The following SSC5D variants were observed in gnomAD, a reference collection of about 807,000 sequenced individuals.
The protein encoded by SSC5D is scavenger receptor cysteine rich family member with 5 domains.
A neutral mutation model predicts 104.6 loss-of-function variants in SSC5D; 106 were observed. The ratio of observed to expected loss-of-function variants is 1.01; its 90% CI spans 0.87 to 1.19. SSC5D has a LOEUF of 1.19. SSC5D is among the 50% of genes most tolerant of loss of function. The pLI, the probability that SSC5D is intolerant of heterozygous loss-of-function variation, is 0.00. For missense variants in SSC5D, 1,993 were observed against 2,153.8 expected (o/e 0.93, Z 1.48); for synonymous variants, 860 against 883.5 (o/e 0.97, Z 0.47).
At chr19:55,507,155 A>G (rs1157067735) in intron 12 of SSC5D, among the ~76,000 whole-genome samples, 7 of 148,868 alleles carry the variant, frequency 4.7e-5, no homozygotes, top group Non-Finnish European at 7.5e-5. Context: ...GGTGACAGAG[A>G]CTGTCTCGAA....
At position 55,494,781 on chromosome 19, in the gene SSC5D, C is replaced by T. The variant is rs1599916180; in HGVS notation, c.1385C>T (p.Ala462Val). ...PTVLWEPGPE[A>V]GSPQLRLVAG... is the part of the protein sequence containing the mutation. ...GTCCTTTGGGAGCCTGGACCGGAAG[C>T]CGGTGAGTCCCTCCATGCTCCCCAA... Residue 462 changes from alanine (A) to valine (V), a missense_variant and splice_region_variant, in exon 8 of 14, where the codon GCC becomes GTC. Coordinates refer to ENST00000389623, the MANE Select transcript of SSC5D (RefSeq NM_001144950.2). 1.3e-6 allele frequency: 2 copies of T among 1,540,302 alleles called. No individual in the cohort carries two copies. Among genetic ancestry groups the T allele is most frequent in the East Asian group, 2.5e-5 (1 of 40,334 alleles).
rs1359302061 is a variant in SSC5D at position 55,490,293 on chromosome 19, C to T, written c.476-5C>T. ...CTCCTGACCCCTGGCTGTCTCCACT[C>T]CCAGCCCCCCGCCCAGCTGGGAACC... On this transcript the variant is annotated splice_region_variant and splice_polypyrimidine_tract_variant and intron_variant, in intron 4 of 13. Coordinates refer to ENST00000389623, the MANE Select transcript of SSC5D (RefSeq NM_001144950.2). 2 of 927,704 alleles carry T rather than the reference C, an allele frequency of 2.2e-6. No homozygotes were observed. Among genetic ancestry groups the T allele is most frequent in the Non-Finnish European group, 3.4e-6 (2 of 586,484 alleles). 57.5% of individuals were successfully genotyped at this position (927,704 alleles called of 1,614,324 possible).
At position 55,503,617 on chromosome 19, in the gene SSC5D, A is replaced by G. The variant is rs1418033214; in HGVS notation, c.2785+2416A>G. ...AGGTTTCACTCCCCACCTAAGGGGC[A>G]GCGTTTCTGTCCTCCCTCTGTGCCC... On this transcript the variant is annotated intron_variant, in intron 12 of 13. Coordinates refer to ENST00000389623, the MANE Select transcript of SSC5D (RefSeq NM_001144950.2). The surrounding 1 kb of genome is among the most constrained non-coding windows in gnomAD (Gnocchi z 4.0). Among the ~76,000 whole-genome samples, 1 of 151,896 alleles carries G rather than the reference A, an allele frequency of 6.6e-6. No individual in the cohort carries two copies. The highest frequency in any genetic ancestry group is 2.1e-4 in the South Asian group (1 of 4,812).
chr19:55,513,132 C>G lies in SSC5D; in HGVS notation c.2907C>G (p.Ser969Arg), dbSNP rs190311542. The change falls in exon 13 of 14, where the codon AGC becomes AGG. Residue 969 changes from serine (S) to arginine (R), a missense_variant. Ser to Arg is a moderately radical substitution (Grantham distance 110). Around this residue, in one of 6 missense-constraint regions of SSC5D, gnomAD observed 423 missense variants for 409.2 expected, o/e 1.03. Transcript: ENST00000389623. ...CTCTTGGGGCTGGCACCACCAGGAGCCCAGGCAGTCCTCCAACTCTGAGAG... is the reference window on the plus strand; with the variant it reads ...CTCTTGGGGCTGGCACCACCAGGAGGCCAGGCAGTCCTCCAACTCTGAGAG... The part of the protein sequence containing the change: ...GPTLGAGTTR[S>R]PGSPPTLRVH... 1 of 1,535,380 alleles carries G rather than the reference C, an allele frequency of 6.5e-7. No individual in the cohort carries two copies. Among genetic ancestry groups the G allele is most frequent in the Non-Finnish European group, 8.8e-7 (1 of 1,138,142 alleles).
rs576298577 is a variant in SSC5D, at chr19:55,513,451, G to A, written c.2947+279G>A. Among the ~76,000 whole-genome samples the A allele has an allele frequency of 5.9e-5, 9 of 152,182 alleles. 1 individual carries two copies. The South Asian group carries it at 6.2e-4, about 11-fold the overall frequency. On this transcript the variant is annotated intron_variant, in intron 13 of 13. Coordinates refer to ENST00000389623, the MANE Select transcript of SSC5D (RefSeq NM_001144950.2). ...GAACATTAGCTGGGTGTGGTGGTACGCACGTGTGGTCCCAGCTGCTTGGGA... is the reference window on the plus strand; with the variant it reads ...GAACATTAGCTGGGTGTGGTGGTACACACGTGTGGTCCCAGCTGCTTGGGA...
rs372369208 is a variant in SSC5D, at chr19:55,509,447, G to A, written c.2786-3564G>A. On this transcript the variant is annotated intron_variant, in intron 12 of 13. Transcript: ENST00000389623. ...CCATATTTGTGACAGCAAAACACTG[G>A]GAGTAACCGAAATGCCCATCAACAG... Among the ~76,000 whole-genome samples, 7 of 152,236 alleles carry A rather than the reference G, an allele frequency of 4.6e-5. 1 individual carries two copies. The highest frequency in any genetic ancestry group is 4.6e-4 in the Admixed American group (7 of 15,288).
chr19:55,493,475 G>T (rs1433846571), intron 6 of SSC5D, 120 bp from the exon 7 acceptor site: 7 of 905,994 alleles, frequency 7.7e-6, no homozygotes, highest in Non-Finnish European at 1.1e-5. Flanking sequence ...CATTTGGATA[G>T]TGAAGATGGA....
intron 12 of SSC5D, among the ~76,000 whole-genome samples, chr19:55,511,417 C>T (rs989995287): frequency 7.2e-5 from 11 of 151,898 alleles, no homozygotes; most frequent in South Asian, 2.1e-4. Context: ...AACATCCTAA[C>T]GGGCTCAGTT....
At chr19:55,494,397 T>C (rs1166409559) in intron 7 of SSC5D, among the ~76,000 whole-genome samples, 3 of 151,980 alleles carry the variant, frequency 2.0e-5, no homozygotes, top group Non-Finnish European at 4.4e-5. Context: ...TACCATGCCC[T>C]CTGCTCTCTC....
At chr19:55,497,757 T>G in intron 8 of SSC5D, 123 bp from the exon 9 acceptor site, 2 of 938,856 alleles carry the variant, frequency 2.1e-6, no homozygotes, top group Non-Finnish European at 3.1e-6. Context: ...AAAGGATGGA[T>G]GAATGGAGGG....
Position 55,488,497 on chromosome 19 carries a change from A to T in SSC5D, c.-93A>T. 11 of 891,530 alleles carry T rather than the reference A, an allele frequency of 1.2e-5. No homozygotes were observed. The highest frequency in any genetic ancestry group is 1.7e-5 in the Non-Finnish European group (10 of 589,948). 55.2% of individuals were successfully genotyped at this position (891,530 alleles called of 1,614,324 possible). A position where few individuals can be genotyped will look rare whatever the true frequency, so the allele number is the denominator to read the frequency against. ...TCGGGCCTGGGCGCCTCCAGCAGGC[A>T]CTTCCCTCCCTCCCTCTCTCCCCAG... On this transcript the variant is annotated 5_prime_UTR_variant, in exon 1 of 14. Coordinates refer to ENST00000389623, the MANE Select transcript of SSC5D (RefSeq NM_001144950.2).
intron 8 of SSC5D, among the ~76,000 whole-genome samples, chr19:55,495,233 A>ATTTTTTTTTT (rs74181759): frequency 2.0e-5 from 1 of 50,660 alleles, no homozygotes; most frequent in Admixed American, 3.2e-4. Flanking sequence ...ATATATATAT[A>ATTTTTTTTTT]TTTTTTTTTT....
Position 55,497,798 on chromosome 19 carries a change from TG to T in SSC5D, c.1388-76del. 5 of 1,305,646 alleles carry T rather than the reference TG, an allele frequency of 3.8e-6. No individual in the cohort carries two copies. In the South Asian group the frequency reaches 4.6e-5, roughly 12 times the overall value. 80.9% of individuals were successfully genotyped at this position (1,305,646 alleles called of 1,614,324 possible). On this transcript the variant is annotated intron_variant, in intron 8 of 13. Coordinates refer to ENST00000389623, the MANE Select transcript of SSC5D (RefSeq NM_001144950.2). ...CTAGATGGATGAGTGGAAAGGAAGATGGGGGGAGGGAAAGGTGGATGAAGAG... is the reference window on the plus strand; with the variant it reads ...CTAGATGGATGAGTGGAAAGGAAGATGGGGGAGGGAAAGGTGGATGAAGAG...
At position 55,517,490 on chromosome 19, in the gene SSC5D, T is replaced by C; in HGVS notation, c.3214T>C (p.Ser1072Pro). 1 of 1,551,254 alleles carries C rather than the reference T, an allele frequency of 6.4e-7. No individual in the cohort carries two copies. Among genetic ancestry groups the C allele is most frequent in the Non-Finnish European group, 8.7e-7 (1 of 1,146,980 alleles). The part of the protein sequence containing the change: ...LILTSPDFAL[S>P]TPDSSVVPAL... ...CTTGACAAGCCCTGACTTTGCTTTGTCCACCCCTGACTCCAGTGTGGTTCC... is the reference window on the plus strand; with the variant it reads ...CTTGACAAGCCCTGACTTTGCTTTGCCCACCCCTGACTCCAGTGTGGTTCC... Residue 1072 changes from serine to proline, a missense_variant, in exon 14 of 14, where the codon TCC (serine) becomes CCC (proline). Ser to Pro is a moderately conservative substitution (Grantham distance 74). Around this residue, in one of 6 missense-constraint regions of SSC5D, gnomAD observed 423 missense variants for 409.2 expected, o/e 1.03. Coordinates refer to ENST00000389623, the MANE Select transcript of SSC5D (RefSeq NM_001144950.2).
At position 55,518,271 on chromosome 19, in the gene SSC5D, C is replaced by T. The variant is rs778835693; in HGVS notation, c.3995C>T (p.Ser1332Leu). Reference protein sequence around the residue: ...TPHPTTPDPSSTPVITTVSLP... With the variant: ...TPHPTTPDPSLTPVITTVSLP... The stretch of plus-strand genomic sequence containing the variant: ...CACCCCACAACTCCTGACCCTTCCT[C>T]AACCCCTGTCATCACTACTGTGTCC... Residue 1332 changes from serine to leucine, a missense_variant, in exon 14 of 14, where the codon TCA becomes TTA. This residue lies in a region of SSC5D where 349 missense variants were observed against 397.6 expected (regional missense o/e 0.88). Coordinates refer to ENST00000389623, the MANE Select transcript of SSC5D (RefSeq NM_001144950.2). 5.0e-5 allele frequency: 78 copies of T among 1,550,816 alleles called. No individual in the cohort carries two copies. The highest frequency in any genetic ancestry group is 7.0e-6 in the Non-Finnish European group (8 of 1,146,796).
Position 55,489,917 on chromosome 19 carries a change from T to TA in SSC5D, c.397_398insA (p.Ser133TyrfsTer92). 6.5e-7 allele frequency: 1 copy of TA among 1,546,860 alleles called. No individual in the cohort carries two copies. Among genetic ancestry groups the TA allele is most frequent in the South Asian group, 1.2e-5 (1 of 83,842 alleles). On this transcript the variant is annotated frameshift_variant, in exon 4 of 14. Transcript: ENST00000389623. LOFTEE classifies it high-confidence loss of function. ...GGCTAACTCCAGGGACGACTCAACA[T>TA]CTCCCCTGGATGGGGCTCCCTGGCC...
intron 13 of SSC5D, among the ~76,000 whole-genome samples, chr19:55,513,425 T>G (rs1987803292): frequency 6.6e-6 from 1 of 151,970 alleles, no homozygotes; most frequent in Non-Finnish European, 1.5e-5. Flanking sequence ...CCCCAAGATA[T>G]GAACATTAGC....
chr19:55,518,162 A>G lies in SSC5D; in HGVS notation c.3886A>G (p.Thr1296Ala). The change falls in exon 14 of 14, where the codon ACC (threonine) becomes GCC (alanine). Residue 1296 changes from threonine (T) to alanine (A), a missense_variant. Coordinates refer to ENST00000389623, the MANE Select transcript of SSC5D (RefSeq NM_001144950.2). The stretch of plus-strand genomic sequence containing the variant: ...TCACCCCACCACAACCCCTCACCCC[A>G]CCACAACCCCTCACCCCACCATGAC... ...TPHPTTTPHP[T>A]TTPHPTMTPD... 1 of 1,150,546 alleles carries G rather than the reference A, an allele frequency of 8.7e-7. No individual in the cohort carries two copies. The highest frequency in any genetic ancestry group is 3.5e-5 in the Admixed American group (1 of 28,484). 71.3% of individuals were successfully genotyped at this position (1,150,546 alleles called of 1,614,324 possible).
chr19:55,507,591 A>G (rs950398291), intron 12 of SSC5D, among the ~76,000 whole-genome samples: 31 of 134,124 alleles, frequency 2.3e-4, no homozygotes, highest in Admixed American at 3.5e-4. Flanking sequence ...CTTTAAACCC[A>G]GGAGGCGGAG....
Sources: gnomAD v4.1 joint callset for allele counts (sites outside exome capture counted in the v4.1 genomes callset) on GRCh38, gnomAD v4.1.1 for gene constraint, gnomAD v4.1.1 regional missense constraint, Gnocchi (gnomAD v3.1) non-coding constraint, MANE v1.5 for transcripts, NCBI Gene and HGNC (gene_info 2026-07-23, HGNC 2026-07-21) for gene names.